The following NTRK2 variants were observed in gnomAD, a reference collection of about 807,000 sequenced individuals.
The protein encoded by NTRK2 is neurotrophic receptor tyrosine kinase 2.
A neutral mutation model predicts 94.5 loss-of-function variants in NTRK2; 13 were observed. That is an observed-to-expected ratio of 0.14 (90% CI 0.09 to 0.22). The LOEUF (loss-of-function observed/expected upper bound fraction) is 0.22. Ranked by LOEUF, NTRK2 falls within the 10% of genes least tolerant of loss-of-function variation. The probability of loss-of-function intolerance (pLI) is 1.00; values close to 1 mark genes in which losing one functional copy is unlikely to be tolerated. For missense variants in NTRK2, 639 were observed against 1,071.2 expected, an observed-to-expected ratio of 0.60 and a Z score of 5.63; for synonymous variants, 372 against 407.4, an observed-to-expected ratio of 0.91 and a Z score of 1.05.
rs547978275 is a variant in NTRK2, at chr9:84,952,350, G to T, written c.1938-2933G>T. On this transcript the variant is annotated intron_variant, in intron 16 of 18. Coordinates refer to ENST00000277120, the MANE Select transcript of NTRK2 (RefSeq NM_006180.6). ...AGCCAGAGCAGTTGGTGCAGTGCCGGCTGTAACCCACGCTGGAGAGAACTG... is the reference window on the plus strand; with the variant it reads ...AGCCAGAGCAGTTGGTGCAGTGCCGTCTGTAACCCACGCTGGAGAGAACTG... Among the ~76,000 whole-genome samples, 55 of 152,204 alleles carry T rather than the reference G, an allele frequency of 3.6e-4. 1 individual carries two copies. The highest frequency in any genetic ancestry group is 7.2e-4 in the Non-Finnish European group (49 of 68,038).
chr9:84,741,124 C>A (rs1301944094), intron 9 of NTRK2, among the ~76,000 whole-genome samples: 1 of 143,370 alleles, frequency 7.0e-6, no homozygotes, highest in Non-Finnish European at 1.5e-5. Context: ...GTTTTTGTTA[C>A]CAGTTCTTGT....
chr9:84,764,016 A>G (rs1398367049), intron 12 of NTRK2, among the ~76,000 whole-genome samples: 3 of 152,094 alleles, frequency 2.0e-5, no homozygotes, highest in African/African-American at 4.8e-5. Flanking sequence ...TCTATTTCCT[A>G]TAAACTGGAA....
At chr9:84,931,005 AT>A (rs1000005496) in intron 14 of NTRK2, among the ~76,000 whole-genome samples, 6 of 152,100 alleles carry the variant, frequency 3.9e-5, no homozygotes, top group Non-Finnish European at 8.8e-5. Context: ...TATTAAACAT[AT>A]TTTTTCACAG....
intron 17 of NTRK2, among the ~76,000 whole-genome samples, chr9:84,980,914 T>C (rs1827510281): frequency 6.6e-6 from 1 of 152,296 alleles, no homozygotes; most frequent in Admixed American, 6.5e-5. Context: ...GTGAAAGAAA[T>C]CCTTTGCCAA....
chr9:84,833,088 C>T (rs967262757), intron 12 of NTRK2, among the ~76,000 whole-genome samples: 3 of 118,938 alleles, frequency 2.5e-5, no homozygotes, highest in Non-Finnish European at 4.9e-5. Flanking sequence ...ATTCTTGGGC[C>T]TCATTGGTGG....
intron 12 of NTRK2, among the ~76,000 whole-genome samples, chr9:84,836,225 T>C (rs78963306): frequency 0.029 from 4,376 of 152,294 alleles, 113 homozygotes; most frequent in East Asian, 0.1. Flanking sequence ...CATGTTGATA[T>C]GGGGCAAAAA....
At chr9:84,960,710 C>A (rs1274997349) in intron 17 of NTRK2, among the ~76,000 whole-genome samples, 1 of 152,162 alleles carries the variant, frequency 6.6e-6, no homozygotes, top group East Asian at 1.9e-4. Context: ...TAATTGCTCA[C>A]AAATATGTGA....
chr9:84,980,296 C>G (rs897985940), intron 17 of NTRK2, among the ~76,000 whole-genome samples: 2 of 152,060 alleles, frequency 1.3e-5, no homozygotes, highest in Non-Finnish European at 2.9e-5. Context: ...TTTTCTGTTT[C>G]TTACTATTTT....
intron 9 of NTRK2, among the ~76,000 whole-genome samples, chr9:84,735,647 G>A (rs999950759): frequency 4.6e-5 from 7 of 152,242 alleles, no homozygotes; most frequent in African/African-American, 1.7e-4. Flanking sequence ...TAGGGAGAGT[G>A]AACAAAAAGT....
chr9:84,734,822 A>C (rs2063139329), intron 9 of NTRK2, among the ~76,000 whole-genome samples: 2 of 152,178 alleles, frequency 1.3e-5, no homozygotes, highest in Non-Finnish European at 2.9e-5. Context: ...AGTCCTGCGT[A>C]TGTCTTTATT....
intron 12 of NTRK2, among the ~76,000 whole-genome samples, chr9:84,765,054 T>C (rs2065904778): frequency 1.3e-5 from 2 of 152,132 alleles, no homozygotes; most frequent in Non-Finnish European, 2.9e-5. Flanking sequence ...GACCAGAGGC[T>C]GGGAAGGGTA....
intron 14 of NTRK2, among the ~76,000 whole-genome samples, chr9:84,893,112 T>C (rs2076644530): frequency 6.6e-6 from 1 of 152,132 alleles, no homozygotes; most frequent in Admixed American, 6.5e-5. Flanking sequence ...TGTGTAACCA[T>C]AACCCCTGTC....
At chr9:84,999,328 C>T (rs1333210555) in intron 17 of NTRK2, among the ~76,000 whole-genome samples, 1 of 152,188 alleles carries the variant, frequency 6.6e-6, no homozygotes, top group Non-Finnish European at 1.5e-5. Flanking sequence ...TAAAGCCTCT[C>T]TCTTTTTGTA....
intron 12 of NTRK2, among the ~76,000 whole-genome samples, chr9:84,767,223 A>G (rs1230236660): frequency 6.6e-6 from 1 of 152,192 alleles, no homozygotes; most frequent in Admixed American, 6.5e-5. Context: ...CTTAGTTGCT[A>G]TTGGGAGAAA....
chr9:84,971,282 C>A (rs1198447875), intron 17 of NTRK2, among the ~76,000 whole-genome samples: 1 of 152,190 alleles, frequency 6.6e-6, no homozygotes, highest in Non-Finnish European at 1.5e-5. Context: ...CAAAAATAGA[C>A]ACATCTTAGC....
intron 17 of NTRK2, among the ~76,000 whole-genome samples, chr9:85,006,431 T>C (rs1473761408): frequency 6.6e-6 from 1 of 151,420 alleles, no homozygotes; most frequent in Non-Finnish European, 1.5e-5. Context: ...CATGTGGCCA[T>C]GCCAAGGCAG....
At chr9:84,958,565 G>A (rs962672764) in intron 17 of NTRK2, among the ~76,000 whole-genome samples, 7 of 152,082 alleles carry the variant, frequency 4.6e-5, no homozygotes, top group African/African-American at 7.2e-5. Context: ...TTTCACCCCC[G>A]TGGCCACTAC....
chr9:84,813,747 C>A, intron 12 of NTRK2: 1 of 1,066,130 alleles, frequency 9.4e-7, no homozygotes, highest in Admixed American at 5.3e-5. Flanking sequence ...CCTATTATAT[C>A]TGACACTAAT....
At chr9:84,978,262 G>A (rs1402594476) in intron 17 of NTRK2, among the ~76,000 whole-genome samples, 3 of 152,180 alleles carry the variant, frequency 2.0e-5, no homozygotes, top group Non-Finnish European at 1.5e-5. Context: ...AGTTGTGAAT[G>A]CAAAGAATAA....
Sources: gnomAD v4.1 joint callset for allele counts (sites outside exome capture counted in the v4.1 genomes callset) on GRCh38, gnomAD v4.1.1 for gene constraint, MANE v1.5 for transcripts, NCBI Gene and HGNC (gene_info 2026-07-23, HGNC 2026-07-21) for gene names.